The following TRIP4 variants were observed in gnomAD, a reference collection of about 807,000 sequenced individuals.
TRIP4 encodes activating signal cointegrator 1.
Under a neutral mutation model 81.8 loss-of-function variants are expected in TRIP4, and 54 were observed. That is an observed-to-expected ratio of 0.66 (90% CI 0.53 to 0.83). TRIP4 has a LOEUF of 0.83. Among genes scored for constraint, TRIP4 ranks in the 40% least tolerant of loss-of-function variants. The pLI, the probability that TRIP4 is intolerant of heterozygous loss-of-function variation, is 0.00. For missense variants in TRIP4, 662 were observed against 683.6 expected, an observed-to-expected ratio of 0.97 and a Z score of 0.35; for synonymous variants, 270 against 242.8, an observed-to-expected ratio of 1.11 and a Z score of -1.04.
At chr15:64,449,571 CAT>C (rs35359477) in intron 12 of TRIP4, among the ~76,000 whole-genome samples, 8 of 149,284 alleles carry the variant, frequency 5.4e-5, no homozygotes, top group Admixed American at 6.7e-5. Context: ...TGTGTTGTAT[CAT>C]ATATATATAT....
At position 64,423,445 on chromosome 15, in the gene TRIP4, G is replaced by C. The variant is rs142617884; in HGVS notation, c.1359-586G>C. 3.5e-3 allele frequency among the ~76,000 whole-genome samples: 365 copies of C among 105,788 alleles called. 3 individuals carry two copies. Among genetic ancestry groups the C allele is most frequent in the Admixed American group, 8.2e-3 (53 of 6,486 alleles). 69.4% of individuals were successfully genotyped at this position (105,788 alleles called of 152,430 possible). On this transcript the variant is annotated intron_variant, in intron 9 of 12. Coordinates refer to ENST00000261884, the MANE Select transcript of TRIP4 (RefSeq NM_016213.5). ...GCCACTGCTCTCCAGTCTGGCAACAGAGCGAGACTCCGTCTCAAAAAAAAA... is the reference window on the plus strand; with the variant it reads ...GCCACTGCTCTCCAGTCTGGCAACACAGCGAGACTCCGTCTCAAAAAAAAA...
At chr15:64,443,825 C>A (rs1344824424) in intron 11 of TRIP4, among the ~76,000 whole-genome samples, 3 of 152,002 alleles carry the variant, frequency 2.0e-5, no homozygotes. Context: ...AGTTTGAGAT[C>A]AGCCTGGGCA....
At chr15:64,408,590 A>G (rs1343989070) in intron 6 of TRIP4, among the ~76,000 whole-genome samples, 1 of 152,028 alleles carries the variant, frequency 6.6e-6, no homozygotes, top group Non-Finnish European at 1.5e-5. Flanking sequence ...CTAGCTGAGT[A>G]TGAAAATTTG....
At chr15:64,435,458 G>A (rs1425738639) in intron 11 of TRIP4, among the ~76,000 whole-genome samples, 3 of 150,628 alleles carry the variant, frequency 2.0e-5, no homozygotes, top group African/African-American at 4.9e-5. Flanking sequence ...CCTGGGTGGC[G>A]GAGGTTGCAG....
intron 12 of TRIP4, among the ~76,000 whole-genome samples, chr15:64,450,443 G>GCC (rs1229454851): frequency 1.4e-5 from 2 of 145,150 alleles, no homozygotes; most frequent in African/African-American, 5.1e-5. Context: ...GAAAAAAGAA[G>GCC]CCCAGGGTGA....
intron 9 of TRIP4, 143 bp downstream of exon 9, chr15:64,418,871 C>T: frequency 2.7e-6 from 2 of 730,932 alleles, no homozygotes; most frequent in Non-Finnish European, 4.0e-6. Context: ...ACAACATATT[C>T]ATGTTACTGA....
Position 64,400,950 on chromosome 15 carries a change from G to GT in TRIP4, c.697+137dup, listed in dbSNP as rs11380356. The GT allele has an allele frequency of 0.94, 599,275 of 634,280 alleles. 284,867 individuals are homozygous for GT. The highest frequency in any genetic ancestry group is 0.99 in the East Asian group (33,371 of 33,732). The allele number at this position is 634,280 out of a possible 1,614,324, so 39.3% of individuals were successfully genotyped here. A position where few individuals can be genotyped will look rare whatever the true frequency, so the allele number is the denominator to read the frequency against. On this transcript the variant is annotated intron_variant, in intron 5 of 12. Coordinates refer to ENST00000261884, the MANE Select transcript of TRIP4 (RefSeq NM_016213.5). ...CACTCATTCTCAGTTTTTTTGGGGG[G>GT]TTTTTTTTGTTTTGTTTTGTTTTGT... is the stretch of plus-strand genomic sequence containing the variant.
intron 7 of TRIP4, 133 bp downstream of exon 7, chr15:64,409,961 A>G: frequency 1.3e-6 from 1 of 795,460 alleles, no homozygotes; most frequent in Non-Finnish European, 1.9e-6. Flanking sequence ...CATGTTAAGA[A>G]TAGCTAAGAA....
intron 9 of TRIP4, among the ~76,000 whole-genome samples, chr15:64,421,662 T>C (rs1892016721): frequency 6.6e-6 from 1 of 152,174 alleles, no homozygotes; most frequent in Non-Finnish European, 1.5e-5. Flanking sequence ...TATGTCTAGA[T>C]GTATTTACAT....
intron 8 of TRIP4, 51 bp downstream of exon 8, chr15:64,414,262 G>T: frequency 6.2e-7 from 1 of 1,606,822 alleles, no homozygotes; most frequent in Non-Finnish European, 8.5e-7. Context: ...CCCCAATTTT[G>T]CCTTCTTTTA....
At position 64,409,467 on chromosome 15, in the gene TRIP4, G is replaced by A; in HGVS notation, c.828-146G>A. On this transcript the variant is annotated intron_variant, in intron 6 of 12. Coordinates refer to ENST00000261884, the MANE Select transcript of TRIP4 (RefSeq NM_016213.5). Reference sequence around the variant, plus strand: ...GGTTGAGATAAGTTCTAGGAGCTGAGCCTACACTGGAGATAAAACATATGC... The same window carrying A: ...GGTTGAGATAAGTTCTAGGAGCTGAACCTACACTGGAGATAAAACATATGC... The A allele has an allele frequency of 5.9e-6, 4 of 672,892 alleles. No homozygotes were observed. In the Admixed American group the frequency reaches 1.1e-4, roughly 18 times the overall value. 41.7% of individuals were successfully genotyped at this position (672,892 alleles called of 1,614,324 possible). A position where few individuals can be genotyped will look rare whatever the true frequency, so the allele number is the denominator to read the frequency against.
At chr15:64,454,828 G>T (rs1170197924) in intron 12 of TRIP4, among the ~76,000 whole-genome samples, 169 bp from the exon 13 acceptor site, 5 of 152,176 alleles carry the variant, frequency 3.3e-5, no homozygotes, top group Non-Finnish European at 5.9e-5. Context: ...TGTTCCCATT[G>T]CTTCCTTATT....
At chr15:64,394,289 C>G (rs866670554) in intron 2 of TRIP4, among the ~76,000 whole-genome samples, 174 bp downstream of exon 2, 19 of 151,884 alleles carry the variant, frequency 1.3e-4, no homozygotes, top group African/African-American at 3.9e-4. Flanking sequence ...GAATATTGCT[C>G]TAGTTCTTTT....
intron 7 of TRIP4, among the ~76,000 whole-genome samples, 196 bp downstream of exon 7, chr15:64,410,024 G>GTTTTT (rs200868565): frequency 3.7e-5 from 5 of 133,872 alleles, no homozygotes; most frequent in East Asian, 2.1e-4. Context: ...TTGTGGTTTG[G>GTTTTT]TTTTTTTTTT....
intron 7 of TRIP4, among the ~76,000 whole-genome samples, chr15:64,412,760 C>CAG (rs1000829252): frequency 2.6e-5 from 4 of 152,104 alleles, no homozygotes; most frequent in Admixed American, 2.0e-4. Context: ...AAGCATCCAA[C>CAG]AGGAGTATTG....
chr15:64,389,938 A>G (rs1900072191), intron 1 of TRIP4, among the ~76,000 whole-genome samples: 1 of 150,238 alleles, frequency 6.7e-6, no homozygotes, highest in African/African-American at 2.4e-5. Context: ...CTGACCTCAG[A>G]TGATCCAACC....
chr15:64,436,282 G>A (rs998045276), intron 11 of TRIP4, among the ~76,000 whole-genome samples: 3 of 144,678 alleles, frequency 2.1e-5, no homozygotes, highest in South Asian at 2.2e-4. Context: ...GCAACAGAAC[G>A]ACACTCCGTC....
chr15:64,390,672 C>T (rs1156971231), intron 1 of TRIP4, among the ~76,000 whole-genome samples: 2 of 151,170 alleles, frequency 1.3e-5, no homozygotes, highest in African/African-American at 4.9e-5. Flanking sequence ...AGGTGGACCA[C>T]CTGAGGTCAG....
chr15:64,415,329 A>G (rs1057202868), intron 8 of TRIP4, among the ~76,000 whole-genome samples: 15 of 152,158 alleles, frequency 9.9e-5, no homozygotes, highest in Admixed American at 3.3e-4. Flanking sequence ...ACAAGTAATT[A>G]ACTATTGTTA....
Sources: allele counts gnomAD v4.1 joint callset (sites outside exome capture counted in the v4.1 genomes callset), GRCh38; gene constraint gnomAD v4.1.1; transcripts MANE v1.5; gene names NCBI Gene and HGNC (gene_info 2026-07-23, HGNC 2026-07-21).